MACROD2: variants seen among roughly 807,000 people sequenced by gnomAD.
The protein encoded by MACROD2 is mono-ADP ribosylhydrolase 2, also known as ADP-ribose glycohydrolase MACROD2.
A neutral mutation model predicts 70.4 loss-of-function variants in MACROD2; 36 were observed. The observed-to-expected ratio is 0.51, with a 90% CI of 0.39 to 0.68. MACROD2 has a LOEUF of 0.68. Among genes scored for constraint, MACROD2 ranks in the 30% least tolerant of loss-of-function variants. The pLI, the probability that MACROD2 is intolerant of heterozygous loss-of-function variation, is 0.00. For synonymous variants in MACROD2, 172 were observed against 178.8 expected, an observed-to-expected ratio of 0.96 and a Z score of 0.30; for missense variants, 496 against 538.4, an observed-to-expected ratio of 0.92 and a Z score of 0.78.
chr20:14,379,685 C>T (rs2083404146), intron 3 of MACROD2, among the ~76,000 whole-genome samples: 2 of 152,056 alleles, frequency 1.3e-5, no homozygotes, highest in African/African-American at 2.4e-5. Flanking sequence ...GTTCTAGGTA[C>T]CTCATTCAAG....
At chr20:15,624,279 T>C (rs1372775044) in intron 8 of MACROD2, among the ~76,000 whole-genome samples, 2 of 152,230 alleles carry the variant, frequency 1.3e-5, no homozygotes. Context: ...GGCAGGCAAT[T>C]GGATGGTGCC....
At chr20:15,738,103 A>T (rs2051051359) in intron 8 of MACROD2, among the ~76,000 whole-genome samples, 1 of 152,202 alleles carries the variant, frequency 6.6e-6, no homozygotes, top group African/African-American at 2.4e-5. Flanking sequence ...AAATATAGAA[A>T]GAGTGAATAA....
chr20:15,514,747 A>G (rs1470158754), intron 8 of MACROD2, among the ~76,000 whole-genome samples: 2 of 152,234 alleles, frequency 1.3e-5, no homozygotes, highest in African/African-American at 4.8e-5. Flanking sequence ...CAAAGATGCT[A>G]TGTTATAGTC....
Position 14,145,563 on chromosome 20 carries a change from T to G in MACROD2, c.271+59835T>G, listed in dbSNP as rs190403507. Among the ~76,000 whole-genome samples the G allele has an allele frequency of 9.2e-5, 14 of 152,348 alleles. No individual in the cohort carries two copies. The East Asian group carries it at 2.7e-3, about 29-fold the overall frequency. ...ATCAGAAACACTAGTTTTCTAGTGT[T>G]TTCTTACTGGTAAAGCCCTAGGTAA... On this transcript the variant is annotated intron_variant, in intron 3 of 17. Transcript: ENST00000684519.
chr20:14,260,430 C>T (rs1030110538), intron 3 of MACROD2, among the ~76,000 whole-genome samples: 3 of 152,140 alleles, frequency 2.0e-5, no homozygotes, highest in African/African-American at 7.2e-5. Flanking sequence ...CTTTGATTAA[C>T]CCTAAGCTCC....
intron 8 of MACROD2, among the ~76,000 whole-genome samples, chr20:15,648,978 A>T (rs2146790793): frequency 6.6e-6 from 1 of 152,312 alleles, no homozygotes; most frequent in East Asian, 1.9e-4. Context: ...GTCCAGAAGT[A>T]GAACAGCCTC....
intron 3 of MACROD2, among the ~76,000 whole-genome samples, chr20:14,192,541 T>A (rs986176463): frequency 6.6e-6 from 1 of 152,186 alleles, no homozygotes; most frequent in African/African-American, 2.4e-5. Context: ...ATGTGGGAGA[T>A]GCCAGGACAG....
In MACROD2 at chr20:14,533,079, C is replaced by CA. The variant is rs150597469; in HGVS notation, c.301+39577dup. ...TAACCAAACTGAATGACCAGTTTTC[C>CA]AAAAAACAGGAGATTTCACAGCAAC... On this transcript the variant is annotated intron_variant, in intron 4 of 17. Coordinates refer to ENST00000684519, the MANE Select transcript of MACROD2 (RefSeq NM_001351661.2). Among the ~76,000 whole-genome samples, 1,243 of 152,024 alleles carry CA rather than the reference C, an allele frequency of 8.2e-3. 19 individuals are homozygous for CA. Among genetic ancestry groups the CA allele is most frequent in the African/African-American group, 0.029 (1,201 of 41,450 alleles).
At chr20:14,223,413 A>T (rs763796424) in intron 3 of MACROD2, 7 of 152,144 alleles carry the variant, frequency 4.6e-5, no homozygotes, top group Non-Finnish European at 1.0e-4. Flanking sequence ...AAAGATGAAG[A>T]AGGCAAGGCT....
chr20:15,870,053 A>G (rs1224562432), intron 9 of MACROD2, among the ~76,000 whole-genome samples: 2 of 152,040 alleles, frequency 1.3e-5, no homozygotes, highest in African/African-American at 4.8e-5. Context: ...TTTAAAACGA[A>G]ACAAATCAAG....
At chr20:14,525,417 G>T (rs758893080) in intron 4 of MACROD2, among the ~76,000 whole-genome samples, 3 of 152,206 alleles carry the variant, frequency 2.0e-5, no homozygotes, top group Admixed American at 6.5e-5. Context: ...TGCTGCGTTA[G>T]TTACTATATT....
chr20:14,151,685 T>C (rs2148711426), intron 3 of MACROD2, among the ~76,000 whole-genome samples: 1 of 152,176 alleles, frequency 6.6e-6, no homozygotes, highest in Admixed American at 6.5e-5. Flanking sequence ...GGTCTAGTTA[T>C]ATGGCAGTTA....
intron 5 of MACROD2, among the ~76,000 whole-genome samples, chr20:14,902,577 C>T (rs2073908600): frequency 6.6e-6 from 1 of 152,044 alleles, no homozygotes; most frequent in South Asian, 2.1e-4. Flanking sequence ...GTAAGTCAGT[C>T]TAGGGGGAAG....
intron 3 of MACROD2, among the ~76,000 whole-genome samples, chr20:14,395,711 A>G (rs2083573649): frequency 6.6e-6 from 1 of 152,156 alleles, no homozygotes; most frequent in South Asian, 2.1e-4. Flanking sequence ...CTTTTCTAAT[A>G]TAAATATTTA....
chr20:15,294,120 T>TAAAA (rs10644931), intron 6 of MACROD2, among the ~76,000 whole-genome samples: 26 of 118,336 alleles, frequency 2.2e-4, no homozygotes, highest in Non-Finnish European at 3.5e-4. Flanking sequence ...AAACTCTGTC[T>TAAAA]AAAAAAAAAA....
Position 15,967,609 on chromosome 20 carries a change from C to T in MACROD2, c.964C>T (p.Arg322Cys), listed in dbSNP as rs150223084. Residue 322 changes from arginine to cysteine, a missense_variant, in exon 13 of 18, where the codon CGT (arginine) becomes TGT (cysteine). Transcript: ENST00000684519. ...CGGTGAAGTGACAGATCATTCTGTG[C>T]GTGACCAAGATCATCCCGATGGTAG... ...KGGEVTDHSV[R>C]DQDHPDGQEN... 2.9e-5 allele frequency: 46 copies of T among 1,597,754 alleles called. No individual in the cohort carries two copies. The East Asian group carries it at 5.9e-4, about 21-fold the overall frequency.
At chr20:16,046,334 CTT>C (rs11478531) in intron 17 of MACROD2, among the ~76,000 whole-genome samples, 21 of 150,026 alleles carry the variant, frequency 1.4e-4, no homozygotes, top group Admixed American at 3.3e-4. Flanking sequence ...AACATTTCTC[CTT>C]TTTTTTTTTA....
chr20:15,112,549 C>T lies in MACROD2; in HGVS notation c.419-117391C>T, dbSNP rs540188155. Among the ~76,000 whole-genome samples the T allele has an allele frequency of 2.2e-4, 34 of 152,114 alleles. No individual in the cohort carries two copies. The South Asian group carries it at 6.9e-3, about 31-fold the overall frequency. On this transcript the variant is annotated intron_variant, in intron 5 of 17. Coordinates refer to ENST00000684519, the MANE Select transcript of MACROD2 (RefSeq NM_001351661.2). The stretch of plus-strand genomic sequence containing the variant: ...AAGAAAGAAAAAAATGCAGTGAGAT[C>T]GTACAACTAAGAAATGGTAAAACCC...
chr20:15,114,032 C>T (rs1283400455), intron 5 of MACROD2, among the ~76,000 whole-genome samples: 1 of 152,092 alleles, frequency 6.6e-6, no homozygotes, highest in African/African-American at 2.4e-5. Context: ...GCAGGCCTAC[C>T]TCCACCCCAA....
Sources: gnomAD v4.1 joint callset for allele counts (sites outside exome capture counted in the v4.1 genomes callset) on GRCh38, gnomAD v4.1.1 for gene constraint, MANE v1.5 for transcripts, NCBI Gene and HGNC (gene_info 2026-07-23, HGNC 2026-07-21) for gene names.